RGS22: variants seen among roughly 807,000 people sequenced by gnomAD.
RGS22 encodes the protein regulator of G protein signaling 22.
In RGS22, 148 loss-of-function variants were observed where a neutral mutation model predicts 172.9. The observed-to-expected ratio is 0.86, with a 90% CI of 0.75 to 0.98. RGS22 has a LOEUF of 0.98. RGS22 is among the 50% of genes least tolerant of loss of function. RGS22 has a pLI of 0.00. For synonymous variants in RGS22, 458 were observed against 480.2 expected (o/e 0.95, Z 0.60); for missense variants, 1,347 against 1,440.8 (o/e 0.93, Z 1.05).
At chr8:99,994,763 T>C (rs1402086738) in intron 20 of RGS22, among the ~76,000 whole-genome samples, 1 of 152,142 alleles carries the variant, frequency 6.6e-6, no homozygotes, top group Non-Finnish European at 1.5e-5. Context: ...GAAAAAAAAC[T>C]ACTTTAAAGT....
At chr8:100,105,850 C>T (rs1813894960) in intron 1 of RGS22, 47 bp downstream of exon 1, 2 of 1,474,206 alleles carry the variant, frequency 1.4e-6, no homozygotes, top group Non-Finnish European at 1.8e-6. Context: ...GTGGTGCGGC[C>T]CCGACGCCGC....
intron 10 of RGS22, among the ~76,000 whole-genome samples, chr8:100,052,319 T>G (rs1821745481): frequency 6.8e-6 from 1 of 146,670 alleles, no homozygotes; most frequent in Non-Finnish European, 1.5e-5. Context: ...TTTTTTTTTT[T>G]GAGACAGAGT....
intron 2 of RGS22, among the ~76,000 whole-genome samples, chr8:100,097,793 A>C (rs549224575): frequency 2.0e-5 from 3 of 152,302 alleles, no homozygotes; most frequent in Admixed American, 2.0e-4. Context: ...ACTGTCCATC[A>C]TATGCCAAAC....
At chr8:100,044,401 C>T (rs1820490079) in intron 11 of RGS22, among the ~76,000 whole-genome samples, 1 of 152,204 alleles carries the variant, frequency 6.6e-6, no homozygotes, top group Non-Finnish European at 1.5e-5. Context: ...CGTGAGCCAT[C>T]ATGCCTGGCT....
intron 14 of RGS22, among the ~76,000 whole-genome samples, chr8:100,021,781 G>GA (rs201885862): frequency 0.024 from 3,076 of 130,806 alleles, 90 homozygotes; most frequent in East Asian, 0.12. Context: ...AGCTAAGGGT[G>GA]AAAAAAAAAA....
intron 3 of RGS22, among the ~76,000 whole-genome samples, chr8:100,089,350 GA>G (rs1252308412): frequency 6.6e-6 from 1 of 152,074 alleles, no homozygotes; most frequent in Non-Finnish European, 1.5e-5. Context: ...TTCTTATGGT[GA>G]GTGAAAATCA....
chr8:100,028,761 T>C (rs887706051), intron 14 of RGS22, among the ~76,000 whole-genome samples: 1 of 152,132 alleles, frequency 6.6e-6, no homozygotes, highest in Non-Finnish European at 1.5e-5. Flanking sequence ...TTCCAAGAAC[T>C]ACAAATTACA....
chr8:99,977,918 T>G lies in RGS22; in HGVS notation c.3518A>C (p.Lys1173Thr). ...AACCCAAAATGAGTCTTGTCTCACCTTTCCAGATTTTTCGTCTTCTAGGAC... is the reference window on the plus strand; with the variant it reads ...AACCCAAAATGAGTCTTGTCTCACCGTTCCAGATTTTTCGTCTTCTAGGAC... ...LAVLEDEKSG[K>T]DGIKQYANTS... Residue 1173 changes from lysine to threonine, a missense_variant and splice_region_variant, in exon 23 of 28, where the codon AAG becomes ACG. Lys to Thr is a moderately conservative substitution (Grantham distance 78). Coordinates refer to ENST00000360863, the MANE Select transcript of RGS22 (RefSeq NM_015668.5). 1 of 1,563,144 alleles carries G rather than the reference T, an allele frequency of 6.4e-7. No homozygotes were observed. Among genetic ancestry groups the G allele is most frequent in the Non-Finnish European group, 8.6e-7 (1 of 1,163,860 alleles).
chr8:100,041,235 T>C (rs551324354), intron 12 of RGS22, among the ~76,000 whole-genome samples: 289 of 152,276 alleles, frequency 1.9e-3, no homozygotes, highest in Non-Finnish European at 2.8e-3. Flanking sequence ...ATGCCTGTAA[T>C]CCCAGCACTT....
chr8:99,990,223 G>T (rs896123412), intron 20 of RGS22, among the ~76,000 whole-genome samples: 1 of 152,114 alleles, frequency 6.6e-6, no homozygotes, highest in Non-Finnish European at 1.5e-5. Context: ...AATGAGCTAT[G>T]ATCATACTAC....
At chr8:100,018,155 G>T (rs192388876) in intron 14 of RGS22, among the ~76,000 whole-genome samples, 1 of 151,136 alleles carries the variant, frequency 6.6e-6, no homozygotes, top group Admixed American at 6.6e-5. Flanking sequence ...ACAATGTGCT[G>T]CTTTCCCCGC....
intron 2 of RGS22, among the ~76,000 whole-genome samples, chr8:100,096,709 A>G (rs1330428885): frequency 4.8e-5 from 7 of 144,868 alleles, no homozygotes; most frequent in African/African-American, 1.8e-4. Context: ...GGGTCTCACT[A>G]TATTGCCTAT....
At chr8:99,981,095 T>C (rs1812501729) in intron 22 of RGS22, among the ~76,000 whole-genome samples, 1 of 152,208 alleles carries the variant, frequency 6.6e-6, no homozygotes, top group Non-Finnish European at 1.5e-5. Context: ...TCATATCACT[T>C]CATTCATGAC....
At chr8:100,029,323 T>C (rs1818513259) in intron 14 of RGS22, among the ~76,000 whole-genome samples, 1 of 152,128 alleles carries the variant, frequency 6.6e-6, no homozygotes, top group Non-Finnish European at 1.5e-5. Context: ...GTCACAAATT[T>C]TGTGATAATA....
intron 4 of RGS22, among the ~76,000 whole-genome samples, chr8:100,074,697 T>C (rs550659312): frequency 6.6e-6 from 1 of 152,336 alleles, no homozygotes; most frequent in East Asian, 1.9e-4. Context: ...TTTCAGCTTT[T>C]GTGATCATGA....
chr8:100,063,348 C>A, intron 8 of RGS22, 68 bp downstream of exon 8: 1 of 1,203,572 alleles, frequency 8.3e-7, no homozygotes, highest in Non-Finnish European at 1.1e-6. Context: ...TCTCCCTGTG[C>A]TAAATAACCC....
At chr8:100,019,636 T>C (rs1019084186) in intron 14 of RGS22, among the ~76,000 whole-genome samples, 1 of 152,230 alleles carries the variant, frequency 6.6e-6, no homozygotes, top group Admixed American at 6.5e-5. Flanking sequence ...ATTTTAAAAG[T>C]AGACTTCCAA....
chr8:99,962,535 C>T (rs372789388), intron 26 of RGS22, 92 bp from the exon 27 acceptor site: 2 of 1,468,856 alleles, frequency 1.4e-6, no homozygotes, highest in African/African-American at 1.4e-5. Context: ...GACTCACACA[C>T]ACGGAGAAAT....
At chr8:99,985,061 A>G (rs532587595) in intron 21 of RGS22, among the ~76,000 whole-genome samples, 2 of 152,310 alleles carry the variant, frequency 1.3e-5, no homozygotes, top group East Asian at 3.9e-4. Flanking sequence ...ATCTCTTTGT[A>G]TATTACCACA....
Sources: allele counts gnomAD v4.1 joint callset (sites outside exome capture counted in the v4.1 genomes callset), GRCh38; gene constraint gnomAD v4.1.1; transcripts MANE v1.5; gene names NCBI Gene and HGNC (gene_info 2026-07-23, HGNC 2026-07-21).